NBR1: variants seen among roughly 807,000 people sequenced by gnomAD.
The protein encoded by NBR1 is next to BRCA1 gene 1 protein.
Under a neutral mutation model 115.5 loss-of-function variants are expected in NBR1, and 59 were observed. The observed-to-expected ratio is 0.51, with a 90% CI of 0.41 to 0.63. The LOEUF is 0.63. NBR1 is among the 30% of genes least tolerant of loss of function. NBR1 has a pLI of 0.00. For synonymous variants in NBR1, 373 were observed against 414.7 expected, an observed-to-expected ratio of 0.90 and a Z score of 1.22; for missense variants, 1,043 against 1,150.5, an observed-to-expected ratio of 0.91 and a Z score of 1.35.
intron 1 of NBR1, among the ~76,000 whole-genome samples, chr17:43,175,230 A>G (rs2056480576): frequency 6.6e-6 from 1 of 152,232 alleles, no homozygotes; most frequent in Non-Finnish European, 1.5e-5. Flanking sequence ...GTAAGTTCGT[A>G]AAACTGGTAG....
intron 16 of NBR1, among the ~76,000 whole-genome samples, chr17:43,197,480 C>T (rs1402522051): frequency 1.3e-5 from 2 of 151,106 alleles, no homozygotes; most frequent in South Asian, 2.1e-4. Flanking sequence ...GATTGCGCCA[C>T]TGCACTCTAG....
intron 14 of NBR1, 120 bp downstream of exon 14, chr17:43,195,159 A>G: frequency 1.3e-6 from 1 of 764,302 alleles, no homozygotes; most frequent in Non-Finnish European, 2.2e-6. Context: ...ACAGTAGGAT[A>G]GTAAAGCAGC....
intron 2 of NBR1, 21 bp downstream of exon 2, chr17:43,175,922 T>TTAC: frequency 7.2e-7 from 1 of 1,380,352 alleles, no homozygotes; most frequent in East Asian, 2.3e-5. Context: ...CTTTATTTTG[T>TTAC]TTCTCCTTGG....
intron 19 of NBR1, among the ~76,000 whole-genome samples, chr17:43,202,941 A>G (rs1176119786): frequency 6.6e-6 from 1 of 152,132 alleles, no homozygotes; most frequent in African/African-American, 2.4e-5. Context: ...GTGGATCATG[A>G]GGTCAGGAGT....
Position 43,196,480 on chromosome 17 carries a change from G to C in NBR1, c.1751-1G>C, listed in dbSNP as rs754490960. The stretch of plus-strand genomic sequence containing the variant: ...ATGGTTCTCCTGTCTTCATTCTCCA[G>C]ATGTGACTCCCTGCATGTCTCCTCT... On this transcript the variant is annotated splice_acceptor_variant, in intron 14 of 20. Transcript: ENST00000590996. LOFTEE classifies it high-confidence loss of function. 1.3e-6 allele frequency: 2 copies of C among 1,559,570 alleles called. No homozygotes were observed. Among genetic ancestry groups the C allele is most frequent in the South Asian group, 1.2e-5 (1 of 82,510 alleles).
intron 20 of NBR1, among the ~76,000 whole-genome samples, chr17:43,204,813 TA>T (rs1214948352): frequency 8.8e-4 from 107 of 122,240 alleles, no homozygotes; most frequent in African/African-American, 3.2e-3. Flanking sequence ...GACTCCATCT[TA>T]AAAAAAAAAA....
At chr17:43,188,308 GTTGT>G (rs1328749179) in intron 6 of NBR1, among the ~76,000 whole-genome samples, 1 of 152,088 alleles carries the variant, frequency 6.6e-6, no homozygotes, top group Non-Finnish European at 1.5e-5. Flanking sequence ...TTTTGATGGG[GTTGT>G]TTTTTTCTTG....
At position 43,193,476 on chromosome 17, in the gene NBR1, G is replaced by A. The variant is rs367563168; in HGVS notation, c.1362G>A (p.Thr454=). 3.0e-5 allele frequency: 48 copies of A among 1,613,782 alleles called. No individual in the cohort carries two copies. Among genetic ancestry groups the A allele is most frequent in the Non-Finnish European group, 4.0e-5 (47 of 1,179,882 alleles). Residue 454 remains threonine, a synonymous_variant, in exon 12 of 21, where the codon ACG becomes ACA. Transcript: ENST00000590996. ...VEFIAPALEG[T]YTSHWRLSHK... ...TCATTGCCCCAGCCTTGGAGGGAAC[G>A]TATACTTCCCATTGGCGTCTTTCTC... is the stretch of plus-strand genomic sequence containing the variant.
At chr17:43,175,574 G>A (rs1291390626) in intron 1 of NBR1, among the ~76,000 whole-genome samples, 3 of 152,158 alleles carry the variant, frequency 2.0e-5, no homozygotes, top group Non-Finnish European at 4.4e-5. Flanking sequence ...TTTATGGCAT[G>A]GTTTTAGCCT....
chr17:43,205,652 C>T (rs2057299437), intron 20 of NBR1, among the ~76,000 whole-genome samples: 1 of 151,558 alleles, frequency 6.6e-6, no homozygotes, highest in African/African-American at 2.4e-5. Context: ...CAAGGCTGGT[C>T]GATTATTTGC....
In NBR1 at chr17:43,189,736, A is replaced by T; in HGVS notation, c.629A>T (p.Gln210Leu). The T allele has an allele frequency of 6.8e-6, 11 of 1,614,044 alleles. No homozygotes were observed. The highest frequency in any genetic ancestry group is 8.5e-6 in the Non-Finnish European group (10 of 1,179,900). Residue 210 changes from glutamine to leucine, a missense_variant, in exon 8 of 21, where the codon CAG becomes CTG. Transcript: ENST00000590996. Reference protein sequence around the residue: ...SEETLFLPENQFSWHIACNNC... With the variant: ...SEETLFLPENLFSWHIACNNC... The stretch of plus-strand genomic sequence containing the variant: ...GAAACATTGTTTTTGCCAGAAAACC[A>T]GTTCAGCTGGCATATTGCTTGCAAC...
chr17:43,198,496 T>C (rs1471012300), intron 16 of NBR1, among the ~76,000 whole-genome samples: 2 of 151,340 alleles, frequency 1.3e-5, no homozygotes, highest in African/African-American at 4.9e-5. Context: ...CTACTAAAAA[T>C]ACAAAAATTA....
chr17:43,203,594 TTA>T, intron 19 of NBR1, 85 bp from the exon 20 acceptor site: 4 of 775,916 alleles, frequency 5.2e-6, no homozygotes. Context: ...TAAGGAAATC[TTA>T]TTCCAAGGAT....
intron 20 of NBR1, among the ~76,000 whole-genome samples, chr17:43,204,627 C>G (rs148343033): frequency 0.044 from 6,712 of 151,748 alleles, 503 homozygotes; most frequent in African/African-American, 0.15. Context: ...CCATCCTGGC[C>G]AACATGGTGA....
At chr17:43,188,700 C>T (rs888765322) in intron 6 of NBR1, among the ~76,000 whole-genome samples, 1 of 152,154 alleles carries the variant, frequency 6.6e-6, no homozygotes, top group Non-Finnish European at 1.5e-5. Flanking sequence ...TTCCCAGCAC[C>T]GTTTATTAAA....
chr17:43,182,018 C>T (rs2056679658), intron 5 of NBR1, among the ~76,000 whole-genome samples: 1 of 151,180 alleles, frequency 6.6e-6, no homozygotes. Context: ...CTCTTGATGC[C>T]CCCCTTTTTT....
intron 17 of NBR1, 88 bp from the exon 18 acceptor site, chr17:43,201,598 T>C: frequency 1.3e-6 from 1 of 752,910 alleles, no homozygotes; most frequent in Non-Finnish European, 2.4e-6. Context: ...TGTAGAGAAT[T>C]TGGCACTGCT....
chr17:43,187,089 C>T (rs901242444), intron 6 of NBR1, among the ~76,000 whole-genome samples: 2 of 152,158 alleles, frequency 1.3e-5, no homozygotes, highest in African/African-American at 4.8e-5. Context: ...CCTGAGGAAT[C>T]GCCACACTGT....
In NBR1 at chr17:43,189,798, T is replaced by G; in HGVS notation, c.691T>G (p.Cys231Gly). 1 of 1,613,416 alleles carries G rather than the reference T, an allele frequency of 6.2e-7. No individual in the cohort carries two copies. Among genetic ancestry groups the G allele is most frequent in the Non-Finnish European group, 8.5e-7 (1 of 1,179,790 alleles). The stretch of plus-strand genomic sequence containing the variant: ...AAGGATTGTTGGTGTCCGCTACCAG[T>G]GTAGGTAAGCAGTTGCTTGGGAGTA... ...QRRIVGVRYQ[C>G]SLCPSYNICE... The change falls in exon 8 of 21, where the codon TGT becomes GGT. Residue 231 changes from cysteine (C) to glycine (G), a missense_variant. By Grantham distance (159) the Cys-to-Gly change is radical (BLOSUM62 -3). Transcript: ENST00000590996.
Sources: allele counts gnomAD v4.1 joint callset (sites outside exome capture counted in the v4.1 genomes callset), GRCh38; gene constraint gnomAD v4.1.1; transcripts MANE v1.5; gene names NCBI Gene and HGNC (gene_info 2026-07-23, HGNC 2026-07-21).